The following SLC35F4 variants were observed in gnomAD, a reference collection of about 807,000 sequenced individuals.
The protein encoded by SLC35F4 is solute carrier family 35 member F4.
In SLC35F4, 24 loss-of-function variants were observed where a neutral mutation model predicts 44.2. The ratio of observed to expected loss-of-function variants is 0.54; its 90% CI spans 0.39 to 0.76. The LOEUF (loss-of-function observed/expected upper bound fraction) is 0.76. Ranked by LOEUF, SLC35F4 falls within the 30% of genes least tolerant of loss-of-function variation. The probability of loss-of-function intolerance (pLI) is 0.00; values close to 1 mark genes in which losing one functional copy is unlikely to be tolerated. For missense variants in SLC35F4, 562 were observed against 586.1 expected, an observed-to-expected ratio of 0.96 and a Z score of 0.42; for synonymous variants, 238 against 223.6, an observed-to-expected ratio of 1.06 and a Z score of -0.57.
chr14:57,894,688 T>C (rs1888836865), intron 1 of SLC35F4, among the ~76,000 whole-genome samples: 1 of 152,154 alleles, frequency 6.6e-6, no homozygotes, highest in Non-Finnish European at 1.5e-5. Flanking sequence ...GAGGCAAAAC[T>C]ACTTATATTC....
At position 57,684,873 on chromosome 14, in the gene SLC35F4, T is replaced by C. The variant is rs113198719; in HGVS notation, c.104-90749A>G. ...TCTCTCAGGAGTTTCCCCAGAGGGA[T>C]AGCGTTGGTAGGTAGATTGTGTAGC... is the stretch of plus-strand genomic sequence containing the variant. On this transcript the variant is annotated intron_variant, in intron 1 of 7. Transcript: ENST00000556826. Among the ~76,000 whole-genome samples, 10 of 152,260 alleles carry C rather than the reference T, an allele frequency of 6.6e-5. 2 individuals carry two copies. In the South Asian group the frequency reaches 1.2e-3, roughly 19 times the overall value.
At chr14:57,672,309 C>T (rs963374195) in intron 1 of SLC35F4, among the ~76,000 whole-genome samples, 7 of 151,996 alleles carry the variant, frequency 4.6e-5, no homozygotes, top group African/African-American at 1.5e-4. Context: ...GCCCTAGACA[C>T]GGGGCACTAT....
intron 1 of SLC35F4, among the ~76,000 whole-genome samples, chr14:57,705,050 T>C (rs892533838): frequency 6.6e-6 from 1 of 152,202 alleles, no homozygotes; most frequent in South Asian, 2.1e-4. Flanking sequence ...TGTATAGTTC[T>C]GCATTGGCTA....
chr14:57,695,264 C>T (rs866056690), intron 1 of SLC35F4, among the ~76,000 whole-genome samples: 54 of 152,092 alleles, frequency 3.6e-4, no homozygotes, highest in African/African-American at 1.3e-3. Flanking sequence ...TTTTTGCAAC[C>T]TACTCATCTG....
chr14:57,662,970 C>G (rs1400574756), intron 1 of SLC35F4, among the ~76,000 whole-genome samples: 1 of 152,166 alleles, frequency 6.6e-6, no homozygotes, highest in African/African-American at 2.4e-5. Flanking sequence ...AGCCACAACT[C>G]CCAATGGGTG....
At chr14:57,661,876 C>A (rs1367776863) in intron 1 of SLC35F4, among the ~76,000 whole-genome samples, 2 of 152,166 alleles carry the variant, frequency 1.3e-5, no homozygotes, top group African/African-American at 4.8e-5. Context: ...TGACCACACA[C>A]TGAGAACCAC....
intron 1 of SLC35F4, among the ~76,000 whole-genome samples, chr14:57,852,401 G>C (rs745626792): frequency 6.6e-6 from 1 of 152,182 alleles, no homozygotes. Context: ...ATCAGACCTT[G>C]TAAGATCTTA....
chr14:57,949,087 T>C (rs887870142), intron 1 of SLC35F4, among the ~76,000 whole-genome samples: 1 of 152,150 alleles, frequency 6.6e-6, no homozygotes, highest in Non-Finnish European at 1.5e-5. Flanking sequence ...CTTTGTTGAC[T>C]TTCTGTCTTG....
intron 1 of SLC35F4, among the ~76,000 whole-genome samples, chr14:57,915,221 T>A (rs1469898531): frequency 6.6e-6 from 1 of 152,156 alleles, no homozygotes; most frequent in African/African-American, 2.4e-5. Flanking sequence ...ACGCCCATCC[T>A]TTGAAACTAT....
chr14:57,925,894 G>A (rs1380823959), intron 1 of SLC35F4, among the ~76,000 whole-genome samples: 1 of 152,094 alleles, frequency 6.6e-6, no homozygotes, highest in African/African-American at 2.4e-5. Flanking sequence ...TCTATCATGT[G>A]CCACTTCCTG....
chr14:57,719,439 T>C (rs766818576), intron 1 of SLC35F4, among the ~76,000 whole-genome samples: 1 of 152,228 alleles, frequency 6.6e-6, no homozygotes, highest in Non-Finnish European at 1.5e-5. Flanking sequence ...ATATTGATTC[T>C]TTCAATCCAT....
chr14:57,679,910 A>AC (rs1466562640), intron 1 of SLC35F4, among the ~76,000 whole-genome samples: 1 of 152,088 alleles, frequency 6.6e-6, no homozygotes, highest in Non-Finnish European at 1.5e-5. Context: ...AAAGCCCAGG[A>AC]CCAGACAGAT....
chr14:57,983,046 A>G (rs1352851337), upstream of SLC35F4, among the ~76,000 whole-genome samples: 1 of 152,186 alleles, frequency 6.6e-6, no homozygotes, highest in African/African-American at 2.4e-5. Flanking sequence ...AGGCTCTGCT[A>G]TTGTTACCAA....
chr14:57,743,506 C>A (rs917430342), intron 1 of SLC35F4, among the ~76,000 whole-genome samples: 1 of 151,994 alleles, frequency 6.6e-6, no homozygotes, highest in Non-Finnish European at 1.5e-5. Flanking sequence ...ACACATACAC[C>A]CTCCCAAGAC....
chr14:57,810,727 G>A (rs1042158964), intron 1 of SLC35F4, among the ~76,000 whole-genome samples: 1 of 152,188 alleles, frequency 6.6e-6, no homozygotes, highest in African/African-American at 2.4e-5. Flanking sequence ...TATGCAAAAA[G>A]GCCAGGCCTT....
chr14:57,816,522 G>C (rs1238743911), intron 1 of SLC35F4, among the ~76,000 whole-genome samples: 3 of 152,064 alleles, frequency 2.0e-5, no homozygotes, highest in Non-Finnish European at 4.4e-5. Flanking sequence ...AAACATATAC[G>C]ATCTCTTAAC....
chr14:57,848,228 C>T (rs1016653745), intron 1 of SLC35F4, among the ~76,000 whole-genome samples: 2 of 152,172 alleles, frequency 1.3e-5, no homozygotes, highest in East Asian at 3.9e-4. Context: ...AACATTATGG[C>T]TTCTTAATCC....
chr14:57,669,345 T>C (rs1594756546), intron 1 of SLC35F4, among the ~76,000 whole-genome samples: 1 of 152,192 alleles, frequency 6.6e-6, no homozygotes, highest in South Asian at 2.1e-4. Flanking sequence ...CTGATTGCCC[T>C]GACCAGAACT....
chr14:57,724,714 A>T (rs971120255), intron 1 of SLC35F4, among the ~76,000 whole-genome samples: 22 of 152,178 alleles, frequency 1.4e-4, no homozygotes, highest in Non-Finnish European at 1.5e-5. Flanking sequence ...ACAGAGGAAG[A>T]GAAGACTAGG....
Sources: gnomAD v4.1 joint callset for allele counts (sites outside exome capture counted in the v4.1 genomes callset) on GRCh38, gnomAD v4.1.1 for gene constraint, MANE v1.5 for transcripts, NCBI Gene and HGNC (gene_info 2026-07-23, HGNC 2026-07-21) for gene names.